The following PTPRM variants were observed in gnomAD, a reference collection of about 807,000 sequenced individuals.
The protein encoded by PTPRM is protein tyrosine phosphatase receptor type M.
Under a neutral mutation model 186.7 loss-of-function variants are expected in PTPRM, and 47 were observed. The ratio of observed to expected loss-of-function variants is 0.25; its 90% CI spans 0.20 to 0.32. The LOEUF is 0.32. PTPRM is among the 10% of genes least tolerant of loss of function. The pLI is 1.00. For missense variants in PTPRM, 1,494 were observed against 1,865.0 expected (o/e 0.80, Z 3.66); for synonymous variants, 668 against 674.9 (o/e 0.99, Z 0.16).
At chr18:7,908,071 G>A (rs894954522) in intron 4 of PTPRM, among the ~76,000 whole-genome samples, 2 of 152,152 alleles carry the variant, frequency 1.3e-5, no homozygotes, top group Admixed American at 1.3e-4. Flanking sequence ...AGTGTTGAGA[G>A]CCTCAGTGGA....
At chr18:8,262,281 C>A (rs2094641534) in intron 19 of PTPRM, among the ~76,000 whole-genome samples, 1 of 152,168 alleles carries the variant, frequency 6.6e-6, no homozygotes, top group Non-Finnish European at 1.5e-5. Context: ...AAATCTGTTC[C>A]AGACTCTGCA....
chr18:8,182,993 TGCCACACCAAGAGTTGTATTTAA>T (rs1189275716), intron 14 of PTPRM, among the ~76,000 whole-genome samples: 5 of 152,210 alleles, frequency 3.3e-5, no homozygotes, highest in African/African-American at 1.2e-4. Context: ...TCACAAATCT[TGCCACACCAAGAGTTGTATTTAA>T]CGATGTACTG....
intron 20 of PTPRM, among the ~76,000 whole-genome samples, chr18:8,302,454 G>T (rs775592346): frequency 1.4e-4 from 22 of 152,102 alleles, no homozygotes; most frequent in Admixed American, 7.2e-4. Context: ...GAGGACTTTT[G>T]TCTTTATTAT....
intron 1 of PTPRM, chr18:7,749,593 A>G (rs963518418): frequency 6.6e-6 from 1 of 152,114 alleles, no homozygotes. Flanking sequence ...GCCCTCTGGA[A>G]GGGTAATTAG....
intron 1 of PTPRM, chr18:7,755,106 T>C (rs1193673135): frequency 1.3e-5 from 2 of 152,126 alleles, no homozygotes; most frequent in African/African-American, 4.8e-5. Context: ...CACTTTGTAA[T>C]ACTTGGGACC....
intron 14 of PTPRM, among the ~76,000 whole-genome samples, chr18:8,242,557 C>G (rs1372661466): frequency 1.3e-5 from 2 of 152,126 alleles, no homozygotes; most frequent in East Asian, 3.9e-4. Context: ...GTCATGCTGG[C>G]TCATCTTTCA....
chr18:8,272,630 T>C (rs2147642534), intron 19 of PTPRM, among the ~76,000 whole-genome samples: 1 of 152,302 alleles, frequency 6.6e-6, no homozygotes, highest in African/African-American at 2.4e-5. Flanking sequence ...TTTATCTTTT[T>C]ATTAATGATT....
chr18:8,118,799 C>CAAA (rs71354599), intron 13 of PTPRM, among the ~76,000 whole-genome samples: 2,255 of 119,310 alleles, frequency 0.019, 23 homozygotes, highest in South Asian at 0.038. Context: ...CATTCCATCT[C>CAAA]AAAAAAAAAA....
rs529527228 is a variant in PTPRM at position 8,325,428 on chromosome 18, G to A, written c.2956+6214G>A. ...AGAACATACAGTGTTTGATTTTTCC[G>A]TTCCTGCGATTGGTCAGTTAGGATA... On this transcript the variant is annotated intron_variant, in intron 22 of 32. Coordinates refer to ENST00000580170, the MANE Select transcript of PTPRM (RefSeq NM_001105244.2). 9.2e-5 allele frequency among the ~76,000 whole-genome samples: 14 copies of A among 152,212 alleles called. No homozygotes were observed. In the South Asian group the frequency reaches 1.7e-3, roughly 18 times the overall value.
In PTPRM at chr18:7,821,494, G is replaced by A. The variant is rs546566852; in HGVS notation, c.196+47223G>A. Among the ~76,000 whole-genome samples the A allele has an allele frequency of 8.6e-5, 13 of 151,974 alleles. No homozygotes were observed. The Middle Eastern group carries it at 0.014, about 160-fold the overall frequency. ...GTTTCCTCTTATCCACAAGAGATAC[G>A]TTCCAAGTCCCCTAGTGGATGCCTG... On this transcript the variant is annotated intron_variant, in intron 2 of 32. Transcript: ENST00000580170.
intron 2 of PTPRM, among the ~76,000 whole-genome samples, chr18:7,825,745 C>G (rs1426579232): frequency 2.6e-5 from 4 of 152,134 alleles, no homozygotes; most frequent in Admixed American, 6.5e-5. Context: ...CTGTTTTTAC[C>G]TTGGCATTTA....
chr18:8,354,205 T>C (rs1429685169), intron 23 of PTPRM, among the ~76,000 whole-genome samples: 1 of 94,936 alleles, frequency 1.1e-5, no homozygotes, highest in Non-Finnish European at 2.4e-5. Context: ...AGAGTGAGAT[T>C]CCGTCTTAAA....
At chr18:8,383,198 C>T (rs1300452232) in intron 29 of PTPRM, among the ~76,000 whole-genome samples, 2 of 145,110 alleles carry the variant, frequency 1.4e-5, no homozygotes, top group Admixed American at 7.2e-5. Flanking sequence ...CTCAGGAGGC[C>T]AAGGCAAAAG....
At chr18:8,113,983 T>A (rs2091862479) in intron 12 of PTPRM, among the ~76,000 whole-genome samples, 1 of 150,168 alleles carries the variant, frequency 6.7e-6, no homozygotes, top group Non-Finnish European at 1.5e-5. Context: ...ATCATCAACA[T>A]GATAGGTTTT....
At position 7,960,464 on chromosome 18, in the gene PTPRM, T is replaced by C. The variant is rs1267688136; in HGVS notation, c.1132+5050T>C. ...TATATAGGCAACATATATATATATA[T>C]ATATATATATATATATACACACACA... On this transcript the variant is annotated intron_variant, in intron 7 of 32. Transcript: ENST00000580170. 8.1e-4 allele frequency among the ~76,000 whole-genome samples: 93 copies of C among 115,096 alleles called. 1 individual carries two copies. Among genetic ancestry groups the C allele is most frequent in the African/African-American group, 3.3e-3 (89 of 26,746 alleles). 75.5% of individuals were successfully genotyped at this position (115,096 alleles called of 152,430 possible).
At chr18:8,167,489 G>A (rs2093340232) in intron 14 of PTPRM, among the ~76,000 whole-genome samples, 2 of 152,198 alleles carry the variant, frequency 1.3e-5, no homozygotes, top group Non-Finnish European at 2.9e-5. Flanking sequence ...AATTTCTTCT[G>A]TGTTCTTATT....
At chr18:8,143,568 C>T (rs187000006) in intron 13 of PTPRM, 79 bp from the exon 14 acceptor site, 3 of 1,461,738 alleles carry the variant, frequency 2.1e-6, no homozygotes, top group African/African-American at 1.4e-5. Flanking sequence ...CTGTTAAATG[C>T]AGCGAAATTT....
chr18:8,180,423 G>A (rs889614516), intron 14 of PTPRM, among the ~76,000 whole-genome samples: 1 of 152,162 alleles, frequency 6.6e-6, no homozygotes, highest in African/African-American at 2.4e-5. Context: ...TTATTAAAAA[G>A]CTTTAGAGCA....
chr18:7,780,887 C>T (rs1223526360), intron 2 of PTPRM, among the ~76,000 whole-genome samples: 2 of 152,000 alleles, frequency 1.3e-5, no homozygotes, highest in Non-Finnish European at 2.9e-5. Flanking sequence ...AGTGATCCAG[C>T]GTAGGGAAGA....
Sources: gnomAD v4.1 joint callset for allele counts (sites outside exome capture counted in the v4.1 genomes callset) on GRCh38, gnomAD v4.1.1 for gene constraint, MANE v1.5 for transcripts, NCBI Gene and HGNC (gene_info 2026-07-23, HGNC 2026-07-21) for gene names.